Variants in FBXW4 observed in about 807,000 individuals in gnomAD.
FBXW4 encodes the protein F-box and WD repeat domain containing 4.
In FBXW4, 40 loss-of-function variants were observed where a neutral mutation model predicts 61.8. The ratio of observed to expected loss-of-function variants is 0.65; its 90% confidence interval spans 0.50 to 0.84. FBXW4 has a LOEUF of 0.84. Ranked by LOEUF, FBXW4 falls within the 40% of genes least tolerant of loss-of-function variation. The pLI is 0.00. For missense variants in FBXW4, 672 were observed against 753.8 expected, an observed-to-expected ratio of 0.89 and a Z score of 1.27; for synonymous variants, 311 against 313.8, an observed-to-expected ratio of 0.99 and a Z score of 0.10.
At chr10:101,687,191 TC>T (rs1376318419) in intron 1 of FBXW4, among the ~76,000 whole-genome samples, 3 of 151,874 alleles carry the variant, frequency 2.0e-5, no homozygotes, top group Non-Finnish European at 2.9e-5. Context: ...CCCATCCTCA[TC>T]CCCCCTACAA....
At chr10:101,653,236 C>T (rs979081948) in intron 5 of FBXW4, among the ~76,000 whole-genome samples, 1 of 152,178 alleles carries the variant, frequency 6.6e-6, no homozygotes, top group African/African-American at 2.4e-5. Context: ...CGAGTCTGGT[C>T]CCTTCCTGCT....
At chr10:101,676,593 C>T (rs2064411313) in intron 1 of FBXW4, 157 bp from the exon 2 acceptor site, 2 of 460,538 alleles carry the variant, frequency 4.3e-6, no homozygotes, top group Middle Eastern at 4.8e-4. Context: ...CCATACTTGA[C>T]TAAGAAAGCC....
At chr10:101,629,291 C>CT (rs200313671) in intron 5 of FBXW4, among the ~76,000 whole-genome samples, 8,373 of 147,118 alleles carry the variant, frequency 0.057, 488 homozygotes, top group East Asian at 0.35. Flanking sequence ...ACCACTTTCC[C>CT]TTTTTTTTTT....
intron 6 of FBXW4, among the ~76,000 whole-genome samples, chr10:101,624,130 C>T (rs144112153): frequency 1.3e-5 from 2 of 152,028 alleles, no homozygotes; most frequent in East Asian, 3.9e-4. Flanking sequence ...AGAGTGCAAT[C>T]TGAATAAAGG....
intron 5 of FBXW4, among the ~76,000 whole-genome samples, chr10:101,657,742 GTAGTCAGAGACCTTTTAGTACTAGT>G: frequency 6.6e-6 from 1 of 150,662 alleles, no homozygotes; most frequent in African/African-American, 2.4e-5. Flanking sequence ...TGTCCAATCC[GTAGTCAGAGACCTTTTAGTACTAGT>G]CTGAAGGAAG....
chr10:101,685,474 T>C (rs184654497), intron 1 of FBXW4, among the ~76,000 whole-genome samples: 1 of 152,326 alleles, frequency 6.6e-6, no homozygotes, highest in Non-Finnish European at 1.5e-5. Flanking sequence ...TTACAGGGAT[T>C]TCTATCAGAC....
chr10:101,671,015 C>T (rs1469109107), intron 4 of FBXW4, among the ~76,000 whole-genome samples: 1 of 152,180 alleles, frequency 6.6e-6, no homozygotes, highest in Non-Finnish European at 1.5e-5. Flanking sequence ...TGGTTACAGG[C>T]AAATATCACT....
At chr10:101,658,933 AG>A (rs1231210600) in intron 5 of FBXW4, among the ~76,000 whole-genome samples, 1 of 152,000 alleles carries the variant, frequency 6.6e-6, no homozygotes, top group Non-Finnish European at 1.5e-5. Flanking sequence ...TATCATGACA[AG>A]GCCACTGGAA....
At chr10:101,612,285 C>A (rs1589734427) in intron 7 of FBXW4, 52 bp downstream of exon 7, 2 of 1,464,588 alleles carry the variant, frequency 1.4e-6, no homozygotes, top group East Asian at 5.0e-5. Flanking sequence ...GAGGAAGGAC[C>A]AGGATTGGTG....
chr10:101,633,415 G>A (rs1027234659), intron 5 of FBXW4, among the ~76,000 whole-genome samples: 1 of 152,162 alleles, frequency 6.6e-6, no homozygotes, highest in Non-Finnish European at 1.5e-5. Flanking sequence ...CATGGACACA[G>A]GGAGGGGAAC....
intron 1 of FBXW4, among the ~76,000 whole-genome samples, chr10:101,691,899 C>T (rs2064607794): frequency 6.6e-6 from 1 of 152,116 alleles, no homozygotes; most frequent in East Asian, 1.9e-4. Flanking sequence ...CCATCAAATT[C>T]AAAATTTACA....
chr10:101,673,417 G>T, intron 3 of FBXW4, 71 bp downstream of exon 3: 1 of 1,553,078 alleles, frequency 6.4e-7, no homozygotes, highest in Non-Finnish European at 8.8e-7. Context: ...AGACAGAAAA[G>T]TCAGAGGCAG....
chr10:101,695,010 C>A lies in FBXW4; in HGVS notation c.96G>T (p.Ala32=). Residue 32 remains alanine, a synonymous_variant, in exon 1 of 9, where the codon GCG becomes GCT. Coordinates refer to ENST00000331272, the MANE Select transcript of FBXW4 (RefSeq NM_022039.4). This position sits in a 1 kb window ranked among gnomAD's most constrained non-coding sequence, Gnocchi z 4.2. ...CCTTCCCCTTCCTTCGCTTCCCCCTCGCCACCCTCCCTTCCTGCAGCTTCC... is the reference window on the plus strand; with the variant it reads ...CCTTCCCCTTCCTTCGCTTCCCCCTAGCCACCCTCCCTTCCTGCAGCTTCC... ...EARKLQEGRV[A]RGKRRKGKGK... 1 of 1,085,204 alleles carries A rather than the reference C, an allele frequency of 9.2e-7. No individual in the cohort carries two copies. The highest frequency in any genetic ancestry group is 5.5e-5 in the East Asian group (1 of 18,336). 67.2% of individuals were successfully genotyped at this position (1,085,204 alleles called of 1,614,324 possible).
chr10:101,635,856 AAGAG>A (rs2063996906), intron 5 of FBXW4, among the ~76,000 whole-genome samples: 1 of 151,134 alleles, frequency 6.6e-6, no homozygotes, highest in Admixed American at 6.6e-5. Flanking sequence ...AAAAAAAAAA[AAGAG>A]AGATGGAGGG....
At chr10:101,614,099 C>G (rs1331729111) in intron 6 of FBXW4, among the ~76,000 whole-genome samples, 2 of 152,240 alleles carry the variant, frequency 1.3e-5, no homozygotes, top group Non-Finnish European at 2.9e-5. Flanking sequence ...GAGTCATTCT[C>G]TCTCTTTCAC....
intron 5 of FBXW4, among the ~76,000 whole-genome samples, chr10:101,665,524 T>C (rs1439440333): frequency 2.6e-5 from 4 of 152,150 alleles, no homozygotes; most frequent in Non-Finnish European, 5.9e-5. Flanking sequence ...TCACCAAAGA[T>C]GAGACACATC....
chr10:101,669,156 C>T (rs1466347060), intron 4 of FBXW4, among the ~76,000 whole-genome samples: 1 of 152,092 alleles, frequency 6.6e-6, no homozygotes, highest in Admixed American at 6.6e-5. Flanking sequence ...GTGTGAGTTA[C>T]TTTTCCCAAC....
intron 6 of FBXW4, among the ~76,000 whole-genome samples, chr10:101,620,086 C>T (rs897147642): frequency 1.3e-5 from 2 of 152,144 alleles, no homozygotes; most frequent in Admixed American, 1.3e-4. Flanking sequence ...CAAGCCCCAG[C>T]ACATACATAA....
intron 5 of FBXW4, among the ~76,000 whole-genome samples, chr10:101,637,155 G>T (rs536092889): frequency 2.0e-5 from 3 of 150,604 alleles, no homozygotes; most frequent in Non-Finnish European, 4.4e-5. Context: ...AGGCTGAGGC[G>T]GGCGGATCAC....
Sources: gnomAD v4.1 joint callset for allele counts (sites outside exome capture counted in the v4.1 genomes callset) on GRCh38, gnomAD v4.1.1 for gene constraint, Gnocchi (gnomAD v3.1) non-coding constraint, MANE v1.5 for transcripts, NCBI Gene and HGNC (gene_info 2026-07-23, HGNC 2026-07-21) for gene names.